ALOX15B: variants seen among roughly 807,000 people sequenced by gnomAD.
The protein encoded by ALOX15B is polyunsaturated fatty acid lipoxygenase ALOX15B.
Under a neutral mutation model 73.8 loss-of-function variants are expected in ALOX15B, and 74 were observed. That is an observed-to-expected ratio of 1.00 (90% confidence interval 0.83 to 1.22). The LOEUF (loss-of-function observed/expected upper bound fraction) is 1.22, where lower values mean the gene tolerates loss of function less well. Ranked by LOEUF, ALOX15B falls within the 50% of genes most tolerant of loss-of-function variation. ALOX15B has a pLI of 0.00. For synonymous variants in ALOX15B, 353 were observed against 357.2 expected, an observed-to-expected ratio of 0.99 and a Z score of 0.13; for missense variants, 896 against 859.9, an observed-to-expected ratio of 1.04 and a Z score of -0.52.
At chr17:8,039,724 G>T in intron 2 of ALOX15B, 119 bp downstream of exon 2, 1 of 1,232,484 alleles carries the variant, frequency 8.1e-7, no homozygotes, top group Non-Finnish European at 1.1e-6. Flanking sequence ...AGAGTAGCGG[G>T]CAGAGGAGAG....
chr17:8,047,086 C>G lies in ALOX15B; in HGVS notation c.1457+10C>G. ...GGGGTGCAGTGGAACGGTGAGGGGC[C>G]GTCCCTGGAGAGCCGAGGGCTGGTC... On this transcript the variant is annotated intron_variant, in intron 10 of 13. Transcript: ENST00000380183. 2 of 1,613,128 alleles carry G rather than the reference C, an allele frequency of 1.2e-6. No homozygotes were observed. Among genetic ancestry groups the G allele is most frequent in the Non-Finnish European group, 1.7e-6 (2 of 1,179,918 alleles).
In ALOX15B at chr17:8,047,010, G is replaced by A. The variant is rs771566979; in HGVS notation, c.1391G>A (p.Gly464Glu). Residue 464 changes from glycine (G) to glutamate (E), a missense_variant, in exon 10 of 14, where the codon GGA (glycine) becomes GAA (glutamate). Coordinates refer to ENST00000380183, the MANE Select transcript of ALOX15B (RefSeq NM_001141.3). The stretch of plus-strand genomic sequence containing the variant: ...CTGCCTGAGGATATCCGGACCCGAG[G>A]AGTTGAAGACATCCCAGGCTACTAC... ...LCLPEDIRTR[G>E]VEDIPGYYYR... is the part of the protein sequence containing the mutation. The A allele has an allele frequency of 6.2e-7, 1 of 1,614,134 alleles. No homozygotes were observed. Among genetic ancestry groups the A allele is most frequent in the Non-Finnish European group, 8.5e-7 (1 of 1,180,028 alleles).
chr17:8,040,607 GAAAGAAAGAA>G (rs1976422654), intron 3 of ALOX15B, among the ~76,000 whole-genome samples: 1 of 113,402 alleles, frequency 8.8e-6, no homozygotes, highest in African/African-American at 3.1e-5. Flanking sequence ...GAGAGAGAAA[GAAAGAAAGAA>G]AGAAAGAAAG....
At position 8,048,015 on chromosome 17, in the gene ALOX15B, G is replaced by T. The variant is rs1214181911; in HGVS notation, c.1851+100G>T. On this transcript the variant is annotated intron_variant, in intron 13 of 13. Coordinates refer to ENST00000380183, the MANE Select transcript of ALOX15B (RefSeq NM_001141.3). ...GACCCAACCCTGCCATCAGGTAGCG[G>T]GTCCCTTTGCCCCACTGACCCTCCA... 9 of 1,398,946 alleles carry T rather than the reference G, an allele frequency of 6.4e-6. No individual in the cohort carries two copies. In the East Asian group the frequency reaches 2.2e-4, roughly 35 times the overall value. The allele number at this position is 1,398,946 out of a possible 1,614,324, so 86.7% of individuals were successfully genotyped here. A position where few individuals can be genotyped will look rare whatever the true frequency, so the allele number is the denominator to read the frequency against.
Position 8,047,600 on chromosome 17 carries a change from T to C in ALOX15B, c.1616T>C (p.Val539Ala), listed in dbSNP as rs999414898. The C allele has an allele frequency of 4.3e-6, 7 of 1,609,988 alleles. No individual in the cohort carries two copies. Among genetic ancestry groups the C allele is most frequent in the Admixed American group, 3.4e-5 (2 of 59,362 alleles). Residue 539 changes from valine to alanine, a missense_variant, in exon 12 of 14, where the codon GTG (valine) becomes GCG (alanine). By Grantham distance (64) the Val-to-Ala change is moderately conservative (BLOSUM62 0). Coordinates refer to ENST00000380183, the MANE Select transcript of ALOX15B (RefSeq NM_001141.3). ...TCACTGGAGACCCGGGAAGCCCTGGTGCAGTATGTCACCATGGTGATATTC... is the reference window on the plus strand; with the variant it reads ...TCACTGGAGACCCGGGAAGCCCTGGCGCAGTATGTCACCATGGTGATATTC... ...PSSLETREAL[V>A]QYVTMVIFTC... is the part of the protein sequence containing the mutation.
chr17:8,040,329 G>T (rs559286612), intron 3 of ALOX15B, among the ~76,000 whole-genome samples: 4 of 152,114 alleles, frequency 2.6e-5, no homozygotes, highest in African/African-American at 9.6e-5. Context: ...CGGATCACTG[G>T]AGGTCGGGAG....
Position 8,046,898 on chromosome 17 carries a change from GTC to G in ALOX15B, c.1288-4_1288-3del, listed in dbSNP as rs1215376706. On this transcript the variant is annotated splice_region_variant and splice_polypyrimidine_tract_variant and intron_variant, in intron 9 of 13. Transcript: ENST00000380183. Reference sequence around the variant, plus strand: ...AAGGTCTGTAGGACCCAAGAGTCCTGTCTCTCAGTCCACAGGCATCGGCATTG... The same window carrying G: ...AAGGTCTGTAGGACCCAAGAGTCCTGTCTCAGTCCACAGGCATCGGCATTG... 2 of 1,613,974 alleles carry G rather than the reference GTC, an allele frequency of 1.2e-6. No homozygotes were observed. Among genetic ancestry groups the G allele is most frequent in the South Asian group, 1.1e-5 (1 of 91,072 alleles).
chr17:8,047,517 G>A (rs546874267), intron 11 of ALOX15B, 47 bp from the exon 12 acceptor site: 1 of 1,572,206 alleles, frequency 6.4e-7, no homozygotes, highest in East Asian at 2.3e-5. Flanking sequence ...CCGCAGCAGG[G>A]TCCTCAGGTC....
At chr17:8,042,533 C>T in intron 4 of ALOX15B, 42 bp downstream of exon 4, 1 of 1,605,656 alleles carries the variant, frequency 6.2e-7, no homozygotes, top group Non-Finnish European at 8.5e-7. Flanking sequence ...CCTCAGATGC[C>T]CTATGACCTC....
At position 8,039,253 on chromosome 17, in the gene ALOX15B, G is replaced by GC. The variant is rs747925269; in HGVS notation, c.104dup (p.Leu36ThrfsTer15). On this transcript the variant is annotated frameshift_variant, in exon 1 of 14. Coordinates refer to ENST00000380183, the MANE Select transcript of ALOX15B (RefSeq NM_001141.3). LOFTEE classifies it high-confidence loss of function. The stretch of plus-strand genomic sequence containing the variant: ...AGCATCGTGGGGACCCGGGGAGAGA[G>GC]CCCCCCACTGCCCCTGGACAATCTC... 139 of 1,598,774 alleles carry GC rather than the reference G, an allele frequency of 8.7e-5. No homozygotes were observed. Among genetic ancestry groups the GC allele is most frequent in the Non-Finnish European group, 1.1e-4 (131 of 1,172,472 alleles).
Position 8,044,931 on chromosome 17 carries a change from A to G in ALOX15B, c.779A>G (p.Asn260Ser). 2 of 1,613,956 alleles carry G rather than the reference A, an allele frequency of 1.2e-6. No individual in the cohort carries two copies. The highest frequency in any genetic ancestry group is 1.7e-5 in the Admixed American group (1 of 59,998). Residue 260 changes from asparagine (N) to serine (S), a missense_variant, in exon 6 of 14, where the codon AAC (asparagine) becomes AGC (serine). Transcript: ENST00000380183. Reference sequence around the variant, plus strand: ...CGCCGCTGTCACTACCTCCCAAAGAACTTCCCCGTCACTGATGCCATGGTG... The same window carrying G: ...CGCCGCTGTCACTACCTCCCAAAGAGCTTCCCCGTCACTGATGCCATGGTG... Reference protein sequence around the residue: ...LIRRCHYLPKNFPVTDAMVAS... With the variant: ...LIRRCHYLPKSFPVTDAMVAS...
At chr17:8,044,368 G>A (rs555783750) in intron 5 of ALOX15B, among the ~76,000 whole-genome samples, 3 of 149,410 alleles carry the variant, frequency 2.0e-5, no homozygotes, top group Non-Finnish European at 4.4e-5. Context: ...GTTGCAGTGA[G>A]CCGAGGTCAC....
At position 8,039,496 on chromosome 17, in the gene ALOX15B, C is replaced by T. The variant is rs74694725; in HGVS notation, c.258C>T (p.Ala86=). ...LPLLGPLAPD[A]WFCRWFQLTP... is the part of the protein sequence containing the mutation. ...TGCTGGGGCCCCTGGCCCCGGATGC[C>T]TGGTTCTGCCGCTGGTTCCAGCTGA... is the stretch of plus-strand genomic sequence containing the variant. Residue 86 remains alanine (A), a synonymous_variant, in exon 2 of 14, where the codon GCC becomes GCT. Coordinates refer to ENST00000380183, the MANE Select transcript of ALOX15B (RefSeq NM_001141.3). 0.02 allele frequency: 31,852 copies of T among 1,576,460 alleles called. 1,112 individuals are homozygous for T. Among genetic ancestry groups the T allele is most frequent in the African/African-American group, 0.12 (8,860 of 73,896 alleles).
At position 8,039,405 on chromosome 17, in the gene ALOX15B, C is replaced by CG; in HGVS notation, c.168dup (p.Leu57AlafsTer108). 4 of 1,612,862 alleles carry CG rather than the reference C, an allele frequency of 2.5e-6. No homozygotes were observed. Among genetic ancestry groups the CG allele is most frequent in the Non-Finnish European group, 3.4e-6 (4 of 1,179,396 alleles). ...CCTCAGGAGGAGGACTTCCAGGTGA[C>CG]GCTCCCGGAGGACGTAGGCCGAGTG... On this transcript the variant is annotated frameshift_variant, in exon 2 of 14. Transcript: ENST00000380183. LOFTEE classifies it high-confidence loss of function.
chr17:8,048,404 CCGGA>C lies in ALOX15B; in HGVS notation c.1871_1874del (p.Pro624LeufsTer41). 6.2e-7 allele frequency: 1 copy of C among 1,613,208 alleles called. No individual in the cohort carries two copies. Among genetic ancestry groups the C allele is most frequent in the Non-Finnish European group, 8.5e-7 (1 of 1,179,524 alleles). On this transcript the variant is annotated frameshift_variant, in exon 14 of 14. Transcript: ENST00000380183. LOFTEE classifies it low-confidence loss of function (END_TRUNC). The stretch of plus-strand genomic sequence containing the variant: ...TCCTCAGAGGCCCCTGGGCACCTAT[CCGGA>C]TGAGCACTTCACAGAGGAGGCCCCT...
intron 3 of ALOX15B, 83 bp from the exon 4 acceptor site, chr17:8,042,286 C>T: frequency 4.5e-6 from 7 of 1,548,446 alleles, no homozygotes; most frequent in Non-Finnish European, 5.3e-6. Context: ...ACCAGGCCCC[C>T]CAAGGGGACT....
chr17:8,039,247 G>A lies in ALOX15B; in HGVS notation c.92G>A (p.Gly31Glu). The A allele has an allele frequency of 6.2e-7, 1 of 1,604,194 alleles. No homozygotes were observed. Among genetic ancestry groups the A allele is most frequent in the South Asian group, 1.1e-5 (1 of 89,340 alleles). The part of the protein sequence containing the change: ...KVSVSIVGTR[G>E]ESPPLPLDNL... Reference sequence around the variant, plus strand: ...TCTGTCAGCATCGTGGGGACCCGGGGAGAGAGCCCCCCACTGCCCCTGGAC... The same window carrying A: ...TCTGTCAGCATCGTGGGGACCCGGGAAGAGAGCCCCCCACTGCCCCTGGAC... Residue 31 changes from glycine (G) to glutamate (E), a missense_variant, in exon 1 of 14, where the codon GGA becomes GAA. Physicochemically the swap from Gly to Glu is moderately conservative, Grantham distance 98. Transcript: ENST00000380183.
intron 3 of ALOX15B, among the ~76,000 whole-genome samples, chr17:8,040,965 A>T (rs1263424013): frequency 2.0e-5 from 3 of 151,962 alleles, no homozygotes; most frequent in African/African-American, 4.8e-5. Context: ...CAGATTTTCA[A>T]AAGATCTTGA....
At position 8,039,070 on chromosome 17, in the gene ALOX15B, C is replaced by A. The variant is rs1454799945; in HGVS notation, c.-86C>A. 1.5e-6 allele frequency: 2 copies of A among 1,295,062 alleles called. No individual in the cohort carries two copies. Among genetic ancestry groups the A allele is most frequent in the African/African-American group, 1.6e-5 (1 of 64,082 alleles). 80.2% of individuals were successfully genotyped at this position (1,295,062 alleles called of 1,614,324 possible). A position where few individuals can be genotyped will look rare whatever the true frequency, so the allele number is the denominator to read the frequency against. On this transcript the variant is annotated 5_prime_UTR_variant, in exon 1 of 14. Coordinates refer to ENST00000380183, the MANE Select transcript of ALOX15B (RefSeq NM_001141.3). ...CTGGGCTTGGAGTCAGTGGCAATAA[C>A]CAGGGGCAATAACCAGGCGTGTCCC... is the stretch of plus-strand genomic sequence containing the variant.
Sources: gnomAD v4.1 joint callset for allele counts (sites outside exome capture counted in the v4.1 genomes callset) on GRCh38, gnomAD v4.1.1 for gene constraint, MANE v1.5 for transcripts, NCBI Gene and HGNC (gene_info 2026-07-23, HGNC 2026-07-21) for gene names.